Variants in ITGBL1 observed in about 807,000 individuals in gnomAD.
ITGBL1 encodes integrin subunit beta like 1.
A neutral mutation model predicts 68.5 loss-of-function variants in ITGBL1; 51 were observed. The ratio of observed to expected loss-of-function variants is 0.74; its 90% confidence interval spans 0.59 to 0.94. The LOEUF (loss-of-function observed/expected upper bound fraction) is 0.94. Among genes scored for constraint, ITGBL1 ranks in the 40% least tolerant of loss-of-function variants. The probability of loss-of-function intolerance (pLI) is 0.00; values close to 1 mark genes in which losing one functional copy is unlikely to be tolerated. For missense variants in ITGBL1, 649 were observed against 647.4 expected, an observed-to-expected ratio of 1.00 and a Z score of -0.03; for synonymous variants, 209 against 227.3, an observed-to-expected ratio of 0.92 and a Z score of 0.72.
At chr13:101,627,521 A>G (rs1240948294) in intron 7 of ITGBL1, among the ~76,000 whole-genome samples, 2 of 151,892 alleles carry the variant, frequency 1.3e-5, no homozygotes, top group African/African-American at 4.8e-5. Flanking sequence ...TGTATTTTCT[A>G]TGTGTTTGGT....
chr13:101,718,218 TTGTGTGTATGTGTGTGTTTG>T (rs1296514573), downstream of ITGBL1: 1 of 152,056 alleles, frequency 6.6e-6, no homozygotes, highest in Non-Finnish European at 1.5e-5. Context: ...TCCACTATGT[TTGTGTGTATGTGTGTGTTTG>T]TGTGTGTATG....
At chr13:101,557,400 T>G (rs1412919869) in intron 2 of ITGBL1, among the ~76,000 whole-genome samples, 1 of 152,236 alleles carries the variant, frequency 6.6e-6, no homozygotes. Flanking sequence ...CATATAAATG[T>G]GCATGTCGTT....
intron 2 of ITGBL1, among the ~76,000 whole-genome samples, chr13:101,476,335 A>G (rs1356933968): frequency 6.6e-6 from 1 of 152,124 alleles, no homozygotes; most frequent in Non-Finnish European, 1.5e-5. Context: ...CCAAAAACTG[A>G]CAGATAAAAA....
intron 2 of ITGBL1, among the ~76,000 whole-genome samples, chr13:101,487,735 C>T (rs1306968525): frequency 1.3e-5 from 2 of 152,168 alleles, no homozygotes; most frequent in Non-Finnish European, 2.9e-5. Flanking sequence ...AGCACACTGG[C>T]CTAAAGTAAG....
intron 7 of ITGBL1, among the ~76,000 whole-genome samples, chr13:101,620,071 T>C (rs1594935308): frequency 6.6e-6 from 1 of 152,192 alleles, no homozygotes; most frequent in Non-Finnish European, 1.5e-5. Flanking sequence ...ATTCCGTCGT[T>C]TAATCAATTT....
intron 2 of ITGBL1, among the ~76,000 whole-genome samples, chr13:101,547,887 G>A (rs9518439): frequency 0.81 from 122,988 of 151,120 alleles, 50,238 homozygotes; most frequent in African/African-American, 0.9. Context: ...CATTAAATAT[G>A]TGTATATATC....
At chr13:101,478,356 A>T (rs2048567143) in intron 2 of ITGBL1, among the ~76,000 whole-genome samples, 1 of 152,112 alleles carries the variant, frequency 6.6e-6, no homozygotes, top group South Asian at 2.1e-4. Flanking sequence ...GCCACATATG[A>T]CAGACCTATG....
At chr13:101,615,021 C>A (rs562521676) in intron 7 of ITGBL1, among the ~76,000 whole-genome samples, 157 of 152,216 alleles carry the variant, frequency 1.0e-3, no homozygotes, top group African/African-American at 3.5e-3. Context: ...GAAATTTATT[C>A]CCACAGCTCT....
At chr13:101,628,575 G>A (rs2031869421) in intron 7 of ITGBL1, among the ~76,000 whole-genome samples, 2 of 150,002 alleles carry the variant, frequency 1.3e-5, no homozygotes, top group South Asian at 4.2e-4. Context: ...TGGGACTACA[G>A]GCGTGCACCA....
At chr13:101,617,825 A>G (rs866043459) in intron 7 of ITGBL1, among the ~76,000 whole-genome samples, 35 of 152,286 alleles carry the variant, frequency 2.3e-4, no homozygotes, top group African/African-American at 7.2e-4. Context: ...TGTCAAAGAC[A>G]ATTTCAGTGT....
At chr13:101,656,356 C>T (rs1041118680) in intron 7 of ITGBL1, among the ~76,000 whole-genome samples, 2 of 152,098 alleles carry the variant, frequency 1.3e-5, no homozygotes, top group African/African-American at 4.8e-5. Flanking sequence ...GCAGTTTTCC[C>T]CCCACAAAGG....
At chr13:101,672,787 C>T (rs943875901) in intron 7 of ITGBL1, among the ~76,000 whole-genome samples, 5 of 152,136 alleles carry the variant, frequency 3.3e-5, no homozygotes, top group African/African-American at 1.2e-4. Context: ...AAACTTTCCG[C>T]TCCTTAACCC....
chr13:101,538,608 A>G (rs572466235), intron 2 of ITGBL1, among the ~76,000 whole-genome samples: 2 of 152,266 alleles, frequency 1.3e-5, no homozygotes, highest in Admixed American at 6.5e-5. Context: ...CAGAAAAAAA[A>G]TCAGCACCTG....
At chr13:101,591,174 ATTATGGGCGT>A (rs1201715733) in intron 6 of ITGBL1, among the ~76,000 whole-genome samples, 36 of 152,304 alleles carry the variant, frequency 2.4e-4, no homozygotes, top group Admixed American at 2.4e-3. Flanking sequence ...AAGTGCTGGG[ATTATGGGCGT>A]GAGTCACCAC....
chr13:101,593,426 T>C (rs1188591344), intron 6 of ITGBL1, among the ~76,000 whole-genome samples: 1 of 152,040 alleles, frequency 6.6e-6, no homozygotes, highest in African/African-American at 2.4e-5. Flanking sequence ...CTACTAGATA[T>C]ATATCCAAAA....
intron 2 of ITGBL1, among the ~76,000 whole-genome samples, chr13:101,523,302 T>C (rs2049316954): frequency 1.3e-5 from 2 of 152,140 alleles, no homozygotes; most frequent in African/African-American, 4.8e-5. Flanking sequence ...CACAGAAGGC[T>C]TTTCATTTTT....
At chr13:101,657,592 T>G (rs569699566) in intron 7 of ITGBL1, among the ~76,000 whole-genome samples, 3 of 152,348 alleles carry the variant, frequency 2.0e-5, no homozygotes, top group Admixed American at 1.3e-4. Flanking sequence ...TCTAATGGTG[T>G]TGTTGTAGAT....
intron 2 of ITGBL1, among the ~76,000 whole-genome samples, chr13:101,564,709 A>T (rs9557702): frequency 0.81 from 120,279 of 149,214 alleles, 48,724 homozygotes; most frequent in African/African-American, 0.89. Flanking sequence ...TATAAATTTT[A>T]AAACATATAT....
At chr13:101,672,525 T>A (rs1193868882) in intron 7 of ITGBL1, among the ~76,000 whole-genome samples, 2 of 152,146 alleles carry the variant, frequency 1.3e-5, no homozygotes, top group Admixed American at 1.3e-4. Context: ...GACAAGATGG[T>A]TCTGGCCAAG....
Sources: allele counts gnomAD v4.1 joint callset (sites outside exome capture counted in the v4.1 genomes callset), GRCh38; gene constraint gnomAD v4.1.1; transcripts MANE v1.5; gene names NCBI Gene and HGNC (gene_info 2026-07-23, HGNC 2026-07-21).